USP33: variants seen among roughly 807,000 people sequenced by gnomAD.
The protein encoded by USP33 is ubiquitin specific peptidase 33, also known as ubiquitin carboxyl-terminal hydrolase 33.
USP33 carries 46 observed loss-of-function variants against 124.2 expected under a neutral mutation model. That is an observed-to-expected ratio of 0.37 (90% confidence interval 0.29 to 0.47). The LOEUF (loss-of-function observed/expected upper bound fraction) is 0.47. USP33 is among the 20% of genes least tolerant of loss of function. The pLI, the probability that USP33 is intolerant of heterozygous loss-of-function variation, is 0.99. For missense variants in USP33, 851 were observed against 1,070.6 expected, an observed-to-expected ratio of 0.79 and a Z score of 2.86; for synonymous variants, 350 against 352.3, an observed-to-expected ratio of 0.99 and a Z score of 0.07.
intron 21 of USP33, among the ~76,000 whole-genome samples, chr1:77,710,540 G>A (rs1675129432): frequency 6.6e-6 from 1 of 152,080 alleles, no homozygotes; most frequent in Non-Finnish European, 1.5e-5. Context: ...AGCAAATGAA[G>A]CCCATGTAAA....
chr1:77,714,317 C>A (rs182620147), intron 19 of USP33, among the ~76,000 whole-genome samples: 7 of 152,268 alleles, frequency 4.6e-5, no homozygotes, highest in East Asian at 3.9e-4. Flanking sequence ...GTATCTTACT[C>A]TACTATGAAA....
chr1:77,702,510 G>A (rs1219985766), intron 21 of USP33, among the ~76,000 whole-genome samples: 1 of 152,120 alleles, frequency 6.6e-6, no homozygotes, highest in Admixed American at 6.5e-5. Context: ...ATACATAAAT[G>A]TATAAGTAAA....
chr1:77,731,926 A>G (rs1677861937), intron 7 of USP33, among the ~76,000 whole-genome samples: 1 of 151,996 alleles, frequency 6.6e-6, no homozygotes. Context: ...AACATAGCGA[A>G]AACCCATCTC....
At position 77,748,781 on chromosome 1, in the gene USP33, C is replaced by CA. The variant is rs967885771; in HGVS notation, c.-51-7034_-51-7033insT. ...CTTTTTTGGCAGCATTCCTTCCCTC[C>CA]CCCCCCCCCCCGTGCTTGAATCAGG... is the stretch of plus-strand genomic sequence containing the variant. On this transcript the variant is annotated intron_variant, in intron 1 of 23. Coordinates refer to ENST00000370794, the MANE Select transcript of USP33 (RefSeq NM_201624.3). 5.2e-5 allele frequency among the ~76,000 whole-genome samples: 2 copies of CA among 38,450 alleles called. 1 individual carries two copies. The highest frequency in any genetic ancestry group is 8.6e-5 in the Non-Finnish European group (2 of 23,134). 25.2% of individuals were successfully genotyped at this position (38,450 alleles called of 152,430 possible).
intron 5 of USP33, among the ~76,000 whole-genome samples, chr1:77,738,728 C>T (rs924773685): frequency 3.1e-4 from 47 of 152,304 alleles, no homozygotes; most frequent in African/African-American, 1.1e-3. Context: ...GATCCAGCCG[C>T]CTTGGCCTCC....
chr1:77,705,864 A>G (rs1674568137), intron 21 of USP33, among the ~76,000 whole-genome samples: 2 of 152,040 alleles, frequency 1.3e-5, no homozygotes, highest in African/African-American at 4.8e-5. Context: ...GTTTGTCTCC[A>G]CACTTTTTCC....
intron 1 of USP33, among the ~76,000 whole-genome samples, chr1:77,756,707 C>A (rs537965538): frequency 3.5e-4 from 54 of 152,328 alleles, no homozygotes; most frequent in African/African-American, 1.3e-3. Flanking sequence ...GTTGGCCTTC[C>A]ACTATTAACC....
chr1:77,740,804 T>A (rs1265658672), intron 4 of USP33, 73 bp downstream of exon 4: 1 of 1,019,966 alleles, frequency 9.8e-7, no homozygotes, highest in African/African-American at 1.6e-5. Context: ...GAATTAATAA[T>A]GTTATACTGG....
chr1:77,716,944 C>G (rs1053663525), intron 17 of USP33, among the ~76,000 whole-genome samples: 54 of 151,378 alleles, frequency 3.6e-4, no homozygotes, highest in Admixed American at 2.6e-4. Context: ...CAGCTCACTG[C>G]AACCTCCACC....
intron 15 of USP33, among the ~76,000 whole-genome samples, chr1:77,720,921 T>C (rs1048386368): frequency 6.6e-6 from 1 of 152,230 alleles, no homozygotes; most frequent in African/African-American, 2.4e-5. Context: ...TAGGAAAACG[T>C]TTTATGCAAA....
chr1:77,709,466 G>A (rs1195002873), intron 21 of USP33, among the ~76,000 whole-genome samples: 1 of 151,952 alleles, frequency 6.6e-6, no homozygotes, highest in Non-Finnish European at 1.5e-5. Context: ...AGTGAACTAT[G>A]ACCAGCCACT....
chr1:77,722,357 G>T, intron 12 of USP33, 161 bp from the exon 13 acceptor site: 3 of 617,998 alleles, frequency 4.9e-6, no homozygotes, highest in Non-Finnish European at 2.6e-6. Flanking sequence ...AGTCATAATA[G>T]CAAAAAAAAA....
chr1:77,751,905 G>C (rs567421287), intron 1 of USP33, among the ~76,000 whole-genome samples: 16 of 151,902 alleles, frequency 1.1e-4, no homozygotes, highest in Non-Finnish European at 2.1e-4. Context: ...AGCCAGGATG[G>C]TCTCGATCTC....
Position 77,725,774 on chromosome 1 carries a change from A to T in USP33, c.1136-12T>A. On this transcript the variant is annotated splice_polypyrimidine_tract_variant and intron_variant, in intron 10 of 23. Coordinates refer to ENST00000370794, the MANE Select transcript of USP33 (RefSeq NM_201624.3). ...ATCAGTGATATATTCTGTAAGATTTAAAATTTGCATTATTACCTTAAATAG... is the reference window on the plus strand; with the variant it reads ...ATCAGTGATATATTCTGTAAGATTTTAAATTTGCATTATTACCTTAAATAG... 2 of 1,601,350 alleles carry T rather than the reference A, an allele frequency of 1.2e-6. No homozygotes were observed. Among genetic ancestry groups the T allele is most frequent in the Non-Finnish European group, 1.7e-6 (2 of 1,174,090 alleles).
Position 77,741,421 on chromosome 1 carries a change from A to G in USP33, c.90T>C (p.Cys30=), listed in dbSNP as rs758831823. The G allele has an allele frequency of 8.1e-6, 13 of 1,608,632 alleles. No individual in the cohort carries two copies. The Admixed American group carries it at 2.2e-4, about 28-fold the overall frequency. The change falls in exon 3 of 24, where the codon TGT becomes TGC. Residue 30 remains cysteine (C), a synonymous_variant. Transcript: ENST00000370794. ...TTGGTCCTTGGACTTTACAATCCTG[A>G]CAAGTACCCTATAAAAAGAAATTAA... ...EDLIQKSLGT[C]QDCKVQGPNL...
At chr1:77,723,618 A>G (rs1382704421) in intron 11 of USP33, among the ~76,000 whole-genome samples, 175 bp from the exon 12 acceptor site, 2 of 152,220 alleles carry the variant, frequency 1.3e-5, no homozygotes, top group African/African-American at 2.4e-5. Context: ...AGTATTAAAA[A>G]AATAAAAGAA....
intron 22 of USP33, among the ~76,000 whole-genome samples, chr1:77,698,875 C>T (rs1673708672): frequency 6.6e-6 from 1 of 152,056 alleles, no homozygotes; most frequent in South Asian, 2.1e-4. Flanking sequence ...ATAGCAATTC[C>T]TTTGTAATTT....
chr1:77,707,422 T>G (rs1339536894), intron 21 of USP33, among the ~76,000 whole-genome samples: 1 of 152,202 alleles, frequency 6.6e-6, no homozygotes, highest in Non-Finnish European at 1.5e-5. Flanking sequence ...GAAGGGTCAC[T>G]TACTGGATTT....
chr1:77,739,656 C>A (rs1213788065), intron 4 of USP33, among the ~76,000 whole-genome samples: 1 of 152,162 alleles, frequency 6.6e-6, no homozygotes, highest in Non-Finnish European at 1.5e-5. Flanking sequence ...ATTCATTATA[C>A]AAAAAGATAA....
Sources: gnomAD v4.1 joint callset for allele counts (sites outside exome capture counted in the v4.1 genomes callset) on GRCh38, gnomAD v4.1.1 for gene constraint, MANE v1.5 for transcripts, NCBI Gene and HGNC (gene_info 2026-07-23, HGNC 2026-07-21) for gene names.